ERN1: variants seen among roughly 807,000 people sequenced by gnomAD.
ERN1 encodes the protein serine/threonine-protein kinase/endoribonuclease IRE1.
Under a neutral mutation model 113.1 loss-of-function variants are expected in ERN1, and 39 were observed. The ratio of observed to expected loss-of-function variants is 0.34; its 90% CI spans 0.27 to 0.45. The LOEUF is 0.45. Among genes scored for constraint, ERN1 ranks in the 20% least tolerant of loss-of-function variants. The probability of loss-of-function intolerance (pLI) is 1.00; values close to 1 mark genes in which losing one functional copy is unlikely to be tolerated. For missense variants in ERN1, 976 were observed against 1,274.8 expected (o/e 0.77, Z 3.57); for synonymous variants, 507 against 515.9 (o/e 0.98, Z 0.23).
At chr17:64,060,369 C>T in intron 11 of ERN1, 100 bp downstream of exon 11, 2 of 777,164 alleles carry the variant, frequency 2.6e-6, no homozygotes, top group Non-Finnish European at 4.6e-6. Flanking sequence ...TCTTCCCTCC[C>T]AGACTAGGCT....
Position 64,098,340 on chromosome 17 carries a change from C to G in ERN1, c.55-99G>C, listed in dbSNP as rs1377904377. 3.5e-6 allele frequency: 5 copies of G among 1,439,832 alleles called. No individual in the cohort carries two copies. The South Asian group carries it at 5.7e-5, about 17-fold the overall frequency. 89.2% of individuals were successfully genotyped at this position (1,439,832 alleles called of 1,614,324 possible). A position where few individuals can be genotyped will look rare whatever the true frequency, so the allele number is the denominator to read the frequency against. On this transcript the variant is annotated intron_variant, in intron 1 of 21. Coordinates refer to ENST00000433197, the MANE Select transcript of ERN1 (RefSeq NM_001433.5). ...CACTCCCAAGGTTATCCTACTAAAA[C>G]CCTCCATTTTACAGATGAAGAAATG...
chr17:64,078,784 C>T (rs895555834), intron 4 of ERN1, among the ~76,000 whole-genome samples: 3 of 151,974 alleles, frequency 2.0e-5, no homozygotes, highest in African/African-American at 7.3e-5. Flanking sequence ...GTGGGTGGAT[C>T]GCTTGAGCCC....
In ERN1 at chr17:64,044,309, GT is replaced by G. The variant is rs1381741856; in HGVS notation, c.2722-110del. On this transcript the variant is annotated intron_variant, in intron 21 of 21. Coordinates refer to ENST00000433197, the MANE Select transcript of ERN1 (RefSeq NM_001433.5). The surrounding 1 kb of genome is among the most constrained non-coding windows in gnomAD (Gnocchi z 4.1). ...AGGAAGAGACAGAATGTGAGTGTTG[GT>G]TTTTGGTAAAGAAAAAGAAAAAAGG... is the stretch of plus-strand genomic sequence containing the variant. 1 of 763,568 alleles carries G rather than the reference GT, an allele frequency of 1.3e-6. No individual in the cohort carries two copies. Among genetic ancestry groups the G allele is most frequent in the Non-Finnish European group, 2.0e-6 (1 of 509,268 alleles). The allele number at this position is 763,568 out of a possible 1,614,324, so 47.3% of individuals were successfully genotyped here.
chr17:64,079,615 G>C (rs777830083), intron 4 of ERN1, 47 bp downstream of exon 4: 1 of 1,471,220 alleles, frequency 6.8e-7, no homozygotes, highest in Admixed American at 1.7e-5. Context: ...CTTAAGGACC[G>C]CTGGTCTAGA....
chr17:64,108,454 T>C (rs1472366349), intron 1 of ERN1, among the ~76,000 whole-genome samples: 1 of 152,162 alleles, frequency 6.6e-6, no homozygotes, highest in Non-Finnish European at 1.5e-5. Context: ...CTGACGTGGT[T>C]AGGAAAACAA....
chr17:64,050,530 C>T (rs553304764), intron 17 of ERN1, among the ~76,000 whole-genome samples: 1 of 152,276 alleles, frequency 6.6e-6, no homozygotes, highest in Non-Finnish European at 1.5e-5. Context: ...AGAGCTGCTG[C>T]GGCATTTGGT....
chr17:64,117,714 A>G (rs1598090563), intron 1 of ERN1, among the ~76,000 whole-genome samples: 2 of 152,302 alleles, frequency 1.3e-5, no homozygotes, highest in East Asian at 3.9e-4. Context: ...CCTAGGCCCT[A>G]TACAAGACAG....
chr17:64,091,192 T>C (rs1914078201), intron 2 of ERN1, among the ~76,000 whole-genome samples: 1 of 152,100 alleles, frequency 6.6e-6, no homozygotes, highest in Non-Finnish European at 1.5e-5. Flanking sequence ...TGAAGACAGA[T>C]CTCCAACTCT....
chr17:64,119,409 A>C (rs1263475268), intron 1 of ERN1, among the ~76,000 whole-genome samples: 1 of 35,904 alleles, frequency 2.8e-5, no homozygotes, highest in Non-Finnish European at 5.1e-5. Context: ...TTTTTTTGAG[A>C]TTGAGTTTCA....
intron 1 of ERN1, among the ~76,000 whole-genome samples, chr17:64,114,099 G>C (rs1010901281): frequency 2.0e-5 from 3 of 150,714 alleles, no homozygotes; most frequent in African/African-American, 7.3e-5. Flanking sequence ...GCTTTTGCAA[G>C]GAGTGTTGAG....
chr17:64,080,750 G>A (rs1913741404), intron 3 of ERN1, 25 bp downstream of exon 3: 1 of 1,604,496 alleles, frequency 6.2e-7, no homozygotes, highest in African/African-American at 1.3e-5. Context: ...TTAAAGGGAA[G>A]TACTGAGCGA....
intron 2 of ERN1, among the ~76,000 whole-genome samples, chr17:64,097,048 T>G (rs1257533051): frequency 6.6e-6 from 1 of 152,194 alleles, no homozygotes; most frequent in African/African-American, 2.4e-5. Context: ...AAGGCTTAAA[T>G]GTGATGGAGA....
At chr17:64,123,810 C>T (rs1915012097) in intron 1 of ERN1, among the ~76,000 whole-genome samples, 1 of 152,146 alleles carries the variant, frequency 6.6e-6, no homozygotes, top group African/African-American at 2.4e-5. Flanking sequence ...AAAACAGCCT[C>T]AATATCTAAA....
At chr17:64,100,661 T>C (rs1914360947) in intron 1 of ERN1, among the ~76,000 whole-genome samples, 1 of 151,932 alleles carries the variant, frequency 6.6e-6, no homozygotes, top group Non-Finnish European at 1.5e-5. Context: ...TTCCCAGCTA[T>C]TCAGAAGGCT....
intron 1 of ERN1, among the ~76,000 whole-genome samples, chr17:64,122,293 G>T (rs537638787): frequency 6.6e-6 from 1 of 152,280 alleles, no homozygotes; most frequent in East Asian, 1.9e-4. Context: ...GGAGAGGAGG[G>T]TAATGCCTGA....
chr17:64,123,867 A>G (rs187270153), intron 1 of ERN1, among the ~76,000 whole-genome samples: 87 of 152,376 alleles, frequency 5.7e-4, no homozygotes, highest in African/African-American at 2.0e-3. Context: ...TCAGAGAAAT[A>G]CTACGCAGCC....
intron 19 of ERN1, among the ~76,000 whole-genome samples, chr17:64,047,467 A>AT (rs908591833): frequency 6.6e-6 from 1 of 152,230 alleles, no homozygotes; most frequent in African/African-American, 2.4e-5. Context: ...GTGAAGGTTA[A>AT]TATTTATTGA....
At chr17:64,125,596 C>T (rs1337605741) in intron 1 of ERN1, among the ~76,000 whole-genome samples, 1 of 152,216 alleles carries the variant, frequency 6.6e-6, no homozygotes, top group Non-Finnish European at 1.5e-5. Context: ...TCAAGCGATT[C>T]TCCTGCCTCG....
chr17:64,089,200 T>C (rs1227481776), intron 2 of ERN1, among the ~76,000 whole-genome samples: 2 of 151,032 alleles, frequency 1.3e-5, no homozygotes, highest in African/African-American at 4.9e-5. Flanking sequence ...GCACGTGTAG[T>C]CCCAGCTACT....
Sources: allele counts gnomAD v4.1 joint callset (sites outside exome capture counted in the v4.1 genomes callset), GRCh38; gene constraint gnomAD v4.1.1; non-coding constraint Gnocchi (gnomAD v3.1); transcripts MANE v1.5; gene names NCBI Gene and HGNC (gene_info 2026-07-23, HGNC 2026-07-21).